The following SMOC1 variants were observed in gnomAD, a reference collection of about 807,000 sequenced individuals.
SMOC1 encodes SPARC related modular calcium binding 1, also known as SPARC-related modular calcium-binding protein 1.
Under a neutral mutation model 56.3 loss-of-function variants are expected in SMOC1, and 22 were observed. The observed-to-expected ratio is 0.39, with a 90% CI of 0.28 to 0.56. The LOEUF is 0.56. Among genes scored for constraint, SMOC1 ranks in the 20% least tolerant of loss-of-function variants. The pLI is 0.61. For missense variants in SMOC1, 509 were observed against 565.4 expected (o/e 0.90, Z 1.01); for synonymous variants, 193 against 215.0 (o/e 0.90, Z 0.89).
In SMOC1 at chr14:69,879,775, A is replaced by G. The variant is rs2139275499; in HGVS notation, c.97A>G (p.Arg33Gly). The G allele has an allele frequency of 2.5e-6, 4 of 1,587,298 alleles. No homozygotes were observed. The highest frequency in any genetic ancestry group is 1.7e-4 in the Middle Eastern group (1 of 6,016). Residue 33 changes from arginine to glycine, a missense_variant and splice_region_variant, in exon 1 of 12, where the codon AGG (arginine) becomes GGG (glycine). By Grantham distance (125) the Arg-to-Gly change is moderately radical. Transcript: ENST00000361956. ...TCGCGGCCACCGCACCACAGGCCCC[A>G]GGGTAAGTGCGCCCCCAGCTTTGCG... is the stretch of plus-strand genomic sequence containing the variant. ...PARGHRTTGP[R>G]FLISDRDPQC... is the part of the protein sequence containing the mutation.
rs1216660514 is a variant in SMOC1 at position 70,010,936 on chromosome 14, AC to A, written c.849del (p.Ser284ProfsTer5). 1 of 1,612,156 alleles carries A rather than the reference AC, an allele frequency of 6.2e-7. No homozygotes were observed. Among genetic ancestry groups the A allele is most frequent in the Non-Finnish European group, 8.5e-7 (1 of 1,179,960 alleles). On this transcript the variant is annotated frameshift_variant, in exon 8 of 12. Transcript: ENST00000361956. LOFTEE classifies it high-confidence loss of function. The part of the protein sequence containing the change: ...LVDTGRPLPG[T>X]STRYVMPSCE... ...GGACACAGGGCGCCCGCTGCCTGGG[AC>A]CTCCACACGGTAAGCCCCCCAGACT...
At chr14:69,919,217 C>G (rs1436636067) in intron 1 of SMOC1, among the ~76,000 whole-genome samples, 1 of 152,160 alleles carries the variant, frequency 6.6e-6, no homozygotes, top group Non-Finnish European at 1.5e-5. Flanking sequence ...AGAGCTACAT[C>G]AAGCAACCCT....
intron 3 of SMOC1, among the ~76,000 whole-genome samples, chr14:69,957,661 TA>T (rs1479016945): frequency 3.9e-5 from 6 of 152,112 alleles, no homozygotes; most frequent in African/African-American, 1.4e-4. Context: ...TTATGGAAAT[TA>T]AAAAAAGATA....
chr14:69,925,377 T>A (rs143415041), intron 1 of SMOC1, among the ~76,000 whole-genome samples: 3 of 152,010 alleles, frequency 2.0e-5, no homozygotes, highest in African/African-American at 7.2e-5. Flanking sequence ...GGAGGAACCA[T>A]GATTGTCCCT....
At chr14:69,948,679 T>C (rs1364160736) in intron 1 of SMOC1, among the ~76,000 whole-genome samples, 2 of 152,176 alleles carry the variant, frequency 1.3e-5, no homozygotes, top group African/African-American at 4.8e-5. Context: ...TCCCTCTTTT[T>C]TCTGTGTGTT....
At chr14:69,919,910 ACCC>A (rs36119349) in intron 1 of SMOC1, among the ~76,000 whole-genome samples, 9 of 116,392 alleles carry the variant, frequency 7.7e-5, no homozygotes, top group African/African-American at 2.9e-4. Flanking sequence ...GAACACAAAT[ACCC>A]CCCCCCCCCT....
intron 1 of SMOC1, among the ~76,000 whole-genome samples, chr14:69,898,052 G>A (rs61980576): frequency 0.11 from 16,166 of 152,042 alleles, 1,006 homozygotes; most frequent in African/African-American, 0.17. Flanking sequence ...TGCAAAATAC[G>A]GAATTCTAGG....
chr14:69,918,023 A>C lies in SMOC1; in HGVS notation c.100-34115A>C, dbSNP rs183081799. The stretch of plus-strand genomic sequence containing the variant: ...GCCTTATTAAGGTCTAATTAACAAA[A>C]ATGTATATATGCAGTGATCTATATA... On this transcript the variant is annotated intron_variant, in intron 1 of 11. Transcript: ENST00000361956. Among the ~76,000 whole-genome samples the C allele has an allele frequency of 1.3e-3, 201 of 152,320 alleles. 1 individual carries two copies. Among genetic ancestry groups the C allele is most frequent in the African/African-American group, 3.8e-3 (156 of 41,576 alleles).
intron 3 of SMOC1, among the ~76,000 whole-genome samples, chr14:69,963,458 G>A (rs565876715): frequency 4.4e-4 from 67 of 152,272 alleles, no homozygotes; most frequent in Non-Finnish European, 6.2e-4. Context: ...AAGCAGGAAA[G>A]GGAATTCCTT....
chr14:69,981,455 G>C (rs758619051), intron 5 of SMOC1, among the ~76,000 whole-genome samples: 1 of 152,144 alleles, frequency 6.6e-6, no homozygotes, highest in African/African-American at 2.4e-5. Flanking sequence ...TTGATCTGGG[G>C]CAATCCCATC....
At chr14:69,942,183 A>G (rs1882590685) in intron 1 of SMOC1, among the ~76,000 whole-genome samples, 1 of 151,872 alleles carries the variant, frequency 6.6e-6, no homozygotes, top group South Asian at 2.1e-4. Context: ...CCCAGTGGAG[A>G]TATGTCCACA....
intron 4 of SMOC1, among the ~76,000 whole-genome samples, chr14:69,977,585 G>C (rs1421807539): frequency 6.6e-6 from 1 of 152,154 alleles, no homozygotes; most frequent in African/African-American, 2.4e-5. Context: ...TTGGGGAGAT[G>C]GGGGTGTAAA....
Position 70,008,559 on chromosome 14 carries a change from T to C in SMOC1, c.665-2195T>C, listed in dbSNP as rs116858683. On this transcript the variant is annotated intron_variant, in intron 7 of 11. Coordinates refer to ENST00000361956, the MANE Select transcript of SMOC1 (RefSeq NM_001034852.3). ...CCAAGCCACGAGTCTGTGCCTCTTC[T>C]TAGATGGCTTCTGTCCACATTTCTG... is the stretch of plus-strand genomic sequence containing the variant. 4.6e-3 allele frequency among the ~76,000 whole-genome samples: 700 copies of C among 152,298 alleles called. 2 individuals carry two copies. Among genetic ancestry groups the C allele is most frequent in the Non-Finnish European group, 7.1e-3 (482 of 68,008 alleles).
At chr14:69,899,584 T>C (rs1884188290) in intron 1 of SMOC1, among the ~76,000 whole-genome samples, 1 of 152,224 alleles carries the variant, frequency 6.6e-6, no homozygotes, top group African/African-American at 2.4e-5. Flanking sequence ...TTTTTCTTCA[T>C]GAATTGTCCA....
chr14:69,919,325 C>T (rs1440227440), intron 1 of SMOC1, among the ~76,000 whole-genome samples: 6 of 152,148 alleles, frequency 3.9e-5, no homozygotes, highest in Non-Finnish European at 7.4e-5. Context: ...CCCTTTCCCT[C>T]GATTTAGACT....
chr14:69,962,677 A>G (rs529430749), intron 3 of SMOC1, among the ~76,000 whole-genome samples: 7 of 152,102 alleles, frequency 4.6e-5, no homozygotes, highest in African/African-American at 1.7e-4. Flanking sequence ...CTTGGGCTCA[A>G]GCGATCCTCC....
intron 5 of SMOC1, among the ~76,000 whole-genome samples, chr14:69,991,464 C>T (rs1056478385): frequency 6.6e-6 from 1 of 152,072 alleles, no homozygotes; most frequent in Non-Finnish European, 1.5e-5. Flanking sequence ...CCTAAAAATG[C>T]TCCTTAGATG....
At chr14:69,914,483 A>T (rs1242272327) in intron 1 of SMOC1, among the ~76,000 whole-genome samples, 3 of 152,260 alleles carry the variant, frequency 2.0e-5, no homozygotes, top group Admixed American at 2.0e-4. Flanking sequence ...CAGAGTAGTC[A>T]GACTTGCTTG....
At chr14:69,949,145 GGT>G (rs1301285031) in intron 1 of SMOC1, among the ~76,000 whole-genome samples, 1 of 152,238 alleles carries the variant, frequency 6.6e-6, no homozygotes. Flanking sequence ...CTTGTTCTGA[GGT>G]GGAGTAAAGA....
Sources: gnomAD v4.1 joint callset for allele counts (sites outside exome capture counted in the v4.1 genomes callset) on GRCh38, gnomAD v4.1.1 for gene constraint, MANE v1.5 for transcripts, NCBI Gene and HGNC (gene_info 2026-07-23, HGNC 2026-07-21) for gene names.